Variants in MUC7 observed in about 807,000 individuals in gnomAD.
MUC7 encodes the protein mucin-7.
A neutral mutation model predicts 2.5 loss-of-function variants in MUC7; 2 were observed. The observed-to-expected ratio is 0.81, with a 90% confidence interval of 0.33 to 2.55. MUC7 has a LOEUF of 2.55. MUC7 is among the 30% of genes most tolerant of loss of function. MUC7 has a pLI of 0.11. For synonymous variants in MUC7, 133 were observed against 173.4 expected, an observed-to-expected ratio of 0.77 and a Z score of 1.83; for missense variants, 408 against 455.6, an observed-to-expected ratio of 0.90 and a Z score of 0.95.
Position 70,449,045 on chromosome 4 carries a change from G to A in MUC7, c.-93+18358G>A, listed in dbSNP as rs377637415. Among the ~76,000 whole-genome samples the A allele has an allele frequency of 5.9e-5, 9 of 152,186 alleles. No individual in the cohort carries two copies. The East Asian group carries it at 1.5e-3, about 26-fold the overall frequency. On this transcript the variant is annotated intron_variant, in intron 1 of 3. Coordinates refer to the MUC7 transcript ENST00000413702. ...TGAAGAGACTGTTCTTTCCTCAATGGATGTTCTTGGCCTGTAGTTTTATTT... is the reference window on the plus strand; with the variant it reads ...TGAAGAGACTGTTCTTTCCTCAATGAATGTTCTTGGCCTGTAGTTTTATTT...
intron 2 of MUC7, among the ~76,000 whole-genome samples, chr4:70,477,947 C>G (rs1269938133): frequency 6.6e-6 from 1 of 152,162 alleles, no homozygotes; most frequent in Non-Finnish European, 1.5e-5. Context: ...ACTTCAGTCA[C>G]CTAAACTCAA....
intron 1 of MUC7, among the ~76,000 whole-genome samples, chr4:70,444,612 C>T (rs894288947): frequency 1.3e-5 from 2 of 152,178 alleles, no homozygotes; most frequent in African/African-American, 4.8e-5. Context: ...TTTATAGCCA[C>T]TGATTATCTT....
At chr4:70,442,460 G>A (rs970858863) in intron 1 of MUC7, among the ~76,000 whole-genome samples, 1 of 151,942 alleles carries the variant, frequency 6.6e-6, no homozygotes, top group South Asian at 2.1e-4. Flanking sequence ...CCCCAACAGT[G>A]GTCATGTGAA....
At chr4:70,453,073 C>T (rs899463470) in intron 1 of MUC7, among the ~76,000 whole-genome samples, 1 of 152,192 alleles carries the variant, frequency 6.6e-6, no homozygotes, top group Non-Finnish European at 1.5e-5. Context: ...ATTAGAGCTC[C>T]ACTGTATGCA....
chr4:70,445,775 G>A (rs1734118292), intron 1 of MUC7, among the ~76,000 whole-genome samples: 1 of 152,196 alleles, frequency 6.6e-6, no homozygotes, highest in African/African-American at 2.4e-5. Context: ...TTGAGGGAAT[G>A]AAAGCTGGAT....
chr4:70,467,995 G>A (rs536498485), upstream of MUC7, among the ~76,000 whole-genome samples: 15 of 152,234 alleles, frequency 9.9e-5, no homozygotes, highest in South Asian at 3.1e-3. Context: ...GAACATCGAT[G>A]CAAAAATCCT....
At chr4:70,469,445 G>A (rs1484351123), upstream of MUC7, among the ~76,000 whole-genome samples, 1 of 152,146 alleles carries the variant, frequency 6.6e-6, no homozygotes, top group Non-Finnish European at 1.5e-5. Flanking sequence ...CACAGCAAAA[G>A]AAACTATCAT....
chr4:70,456,101 CTT>C (rs1005109947), intron 1 of MUC7, among the ~76,000 whole-genome samples: 13 of 152,156 alleles, frequency 8.5e-5, no homozygotes, highest in Admixed American at 8.5e-4. Flanking sequence ...ATCTTCCTGT[CTT>C]TTTCTCAGCC....
chr4:70,435,811 C>T (rs1577896566), intron 1 of MUC7, among the ~76,000 whole-genome samples: 1 of 152,246 alleles, frequency 6.6e-6, no homozygotes, highest in East Asian at 1.9e-4. Context: ...GGTCTTTACA[C>T]TTTGGCATGT....
chr4:70,453,316 T>A (rs1734326535), intron 1 of MUC7, among the ~76,000 whole-genome samples: 1 of 152,228 alleles, frequency 6.6e-6, no homozygotes, highest in Admixed American at 6.5e-5. Context: ...TCTAGTGTAG[T>A]GCAGCTAAGA....
chr4:70,434,671 T>C (rs1733779338), intron 1 of MUC7, among the ~76,000 whole-genome samples: 1 of 152,210 alleles, frequency 6.6e-6, no homozygotes, highest in South Asian at 2.1e-4. Context: ...AGCTCCTGGA[T>C]TCATTGATTT....
chr4:70,473,172 C>T (rs1374202982), intron 1 of MUC7, among the ~76,000 whole-genome samples: 4 of 152,182 alleles, frequency 2.6e-5, no homozygotes, highest in Non-Finnish European at 5.9e-5. Context: ...CGGTGGCTCA[C>T]ACCCGTAATC....
rs191753874 is a variant in MUC7 at position 70,476,647 on chromosome 4, C to T, written c.54+2572C>T. The stretch of plus-strand genomic sequence containing the variant: ...ACTAAAAATACAAAAATTAGCTGGG[C>T]GTGGTGGCCCACACCTGTAATTGCA... On this transcript the variant is annotated intron_variant, in intron 2 of 2. Transcript: ENST00000304887. 4.7e-3 allele frequency among the ~76,000 whole-genome samples: 711 copies of T among 152,174 alleles called. 7 individuals carry two copies. The highest frequency in any genetic ancestry group is 0.016 in the African/African-American group (678 of 41,528).
chr4:70,440,760 G>A (rs1205527181), intron 1 of MUC7, among the ~76,000 whole-genome samples: 1 of 151,772 alleles, frequency 6.6e-6, no homozygotes. Flanking sequence ...AAAAATGGAG[G>A]GAGACAGAAA....
At chr4:70,443,221 T>C (rs1285536691) in intron 1 of MUC7, among the ~76,000 whole-genome samples, 1 of 150,182 alleles carries the variant, frequency 6.7e-6, no homozygotes, top group Non-Finnish European at 1.5e-5. Context: ...GCCAAACTCA[T>C]TAATTTGGCC....
chr4:70,444,780 G>A (rs889118485), intron 1 of MUC7, among the ~76,000 whole-genome samples: 17 of 152,084 alleles, frequency 1.1e-4, no homozygotes, highest in Non-Finnish European at 2.1e-4. Flanking sequence ...GGCCAGGTGC[G>A]GTGGCTCACA....
intron 1 of MUC7, among the ~76,000 whole-genome samples, chr4:70,430,997 C>T (rs1733647026): frequency 6.6e-6 from 1 of 152,090 alleles, no homozygotes; most frequent in Non-Finnish European, 1.5e-5. Flanking sequence ...AGTGATATTT[C>T]CTGTCTATCT....
chr4:70,451,985 G>A (rs1734292105), intron 1 of MUC7, among the ~76,000 whole-genome samples: 1 of 152,192 alleles, frequency 6.6e-6, no homozygotes, highest in Non-Finnish European at 1.5e-5. Context: ...ATATCCTCTT[G>A]CTGAATTGAC....
chr4:70,474,335 CAG>C (rs2109741247), intron 2 of MUC7, among the ~76,000 whole-genome samples: 1 of 152,140 alleles, frequency 6.6e-6, no homozygotes. Flanking sequence ...CATAATGAGA[CAG>C]TATCTCCACA....
Sources: gnomAD v4.1 joint callset for allele counts (sites outside exome capture counted in the v4.1 genomes callset) on GRCh38, gnomAD v4.1.1 for gene constraint, MANE v1.5 for transcripts, NCBI Gene and HGNC (gene_info 2026-07-23, HGNC 2026-07-21) for gene names.